Variants in KMT2D observed in about 807,000 individuals in gnomAD.
The protein encoded by KMT2D is histone-lysine N-methyltransferase 2D.
A neutral mutation model predicts 512.7 loss-of-function variants in KMT2D; 55 were observed. The observed-to-expected ratio is 0.11, with a 90% CI of 0.09 to 0.13. The LOEUF (loss-of-function observed/expected upper bound fraction) is 0.13. Ranked by LOEUF, KMT2D falls within the 10% of genes least tolerant of loss-of-function variation. The probability of loss-of-function intolerance (pLI) is 1.00; values close to 1 mark genes in which losing one functional copy is unlikely to be tolerated. For synonymous variants in KMT2D, 2,995 were observed against 2,904.0 expected, an observed-to-expected ratio of 1.03 and a Z score of -1.01; for missense variants, 6,061 against 7,127.9, an observed-to-expected ratio of 0.85 and a Z score of 5.39.
In KMT2D at chr12:49,044,361, C is replaced by T. The variant is rs758533383; in HGVS notation, c.5083+42G>A. 1.7e-5 allele frequency: 27 copies of T among 1,613,476 alleles called. No individual in the cohort carries two copies. Among genetic ancestry groups the T allele is most frequent in the Middle Eastern group, 3.3e-4 (2 of 6,084 alleles). On this transcript the variant is annotated intron_variant, in intron 21 of 54. Transcript: ENST00000301067. This position sits in a 1 kb window ranked among gnomAD's most constrained non-coding sequence, Gnocchi z 6.4. ...CGCTGGGGGACCTATTGAGCTGCCC[C>T]GCACCACCCCACCACCCCACAACCC... is the stretch of plus-strand genomic sequence containing the variant.
At chr12:49,057,779 ACCAAGGATTTTTT>A (rs974035783) in intron 1 of KMT2D, among the ~76,000 whole-genome samples, 4 of 152,088 alleles carry the variant, frequency 2.6e-5, no homozygotes, top group African/African-American at 9.7e-5. Context: ...ACACATACAC[ACCAAGGATTTTTT>A]CCCTGGATCT....
rs1157926963 is a variant in KMT2D, at chr12:49,041,745, G to A, written c.6184-40C>T. ...ACACAGCCTTAGGGCCTAGTGCTTGGTCTCATGCCCCGCCCCCATACTGTA... is the reference window on the plus strand; with the variant it reads ...ACACAGCCTTAGGGCCTAGTGCTTGATCTCATGCCCCGCCCCCATACTGTA... On this transcript the variant is annotated intron_variant, in intron 30 of 54. Transcript: ENST00000301067. This position sits in a 1 kb window ranked among gnomAD's most constrained non-coding sequence, Gnocchi z 5.4. 1.3e-6 allele frequency: 2 copies of A among 1,589,236 alleles called. No individual in the cohort carries two copies. The highest frequency in any genetic ancestry group is 1.8e-5 in the Admixed American group (1 of 56,168).
At position 49,051,730 on chromosome 12, in the gene KMT2D, C is replaced by T. The variant is rs369789129; in HGVS notation, c.1953G>A (p.Ser651=). ...ACACCACAGGCAGGGGGGATAGGCG[C>T]GATACCTCAGGTGGGGGGGACATAG... ...ESPMSPPPEV[S]RLSPLPVVSR... is the part of the protein sequence containing the mutation. Residue 651 remains serine (S), a synonymous_variant, in exon 11 of 55, where the codon TCG becomes TCA. Transcript: ENST00000301067. 59 of 1,565,810 alleles carry T rather than the reference C, an allele frequency of 3.8e-5. No homozygotes were observed. Among genetic ancestry groups the T allele is most frequent in the African/African-American group, 4.6e-5 (3 of 65,038 alleles).
At chr12:49,045,853 T>A (rs994465358) in intron 19 of KMT2D, 67 bp downstream of exon 19, 2 of 1,291,286 alleles carry the variant, frequency 1.5e-6, no homozygotes, top group Admixed American at 3.5e-5. Context: ...AGCTAGGGGG[T>A]TGGAGCTAGA....
rs1432868114 is a variant in KMT2D at position 49,032,564 on chromosome 12, C to T, written c.12141G>A (p.Gly4047=). The change falls in exon 40 of 55, where the codon GGG becomes GGA. Residue 4047 remains glycine, a synonymous_variant. Coordinates refer to ENST00000301067, the MANE Select transcript of KMT2D (RefSeq NM_003482.4). The part of the protein sequence containing the change: ...ATEGPSTHQG[G]PLAIGTTPES... ...CAGGGGTAGTTCCTATTGCTAACGG[C>T]CCTCCCTGATGTGTAGAGGGCCCCT... The T allele has an allele frequency of 1.9e-6, 3 of 1,613,034 alleles. No individual in the cohort carries two copies. Among genetic ancestry groups the T allele is most frequent in the South Asian group, 1.1e-5 (1 of 90,882 alleles).
At position 49,058,742 on chromosome 12, in the gene KMT2D, G is replaced by A. The variant is rs538788520; in HGVS notation, c.-38+871C>T. Among the ~76,000 whole-genome samples the A allele has an allele frequency of 9.2e-5, 14 of 152,234 alleles. No homozygotes were observed. The South Asian group carries it at 2.7e-3, about 29-fold the overall frequency. ...AATCCCTGGTCAAAAAAGGGTTGGA[G>A]AGGTCTGGGAGGGGCTTGCAGGACT... is the stretch of plus-strand genomic sequence containing the variant. On this transcript the variant is annotated intron_variant, in intron 1 of 54. Coordinates refer to ENST00000301067, the MANE Select transcript of KMT2D (RefSeq NM_003482.4).
Position 49,047,980 on chromosome 12 carries a change from G to A in KMT2D, c.4221C>T (p.Tyr1407=), listed in dbSNP as rs2120619860. ...CTGAACTCACCTTGCTGTTGACACA[G>A]TAAGGGTGATAGCACTGAGAGCACT... The part of the protein sequence containing the change: ...CSQCSQCYHP[Y]CVNSKITKVM... Residue 1407 remains tyrosine, a synonymous_variant, in exon 15 of 55, where the codon TAC becomes TAT. Coordinates refer to ENST00000301067, the MANE Select transcript of KMT2D (RefSeq NM_003482.4). The A allele has an allele frequency of 6.2e-7, 1 of 1,613,304 alleles. No homozygotes were observed. Among genetic ancestry groups the A allele is most frequent in the Non-Finnish European group, 8.5e-7 (1 of 1,179,264 alleles).
Position 49,049,148 on chromosome 12 carries a change from C to T in KMT2D, c.3977G>A (p.Arg1326Gln), listed in dbSNP as rs535481040. The part of the protein sequence containing the change: ...GGAHGGRGRG[R>Q]ARLKSTASSI... ...AGAAGCAGTTGACTTTAGCCGGGCCCGTCCTCTACCACGTCCTCCATGGGC... is the reference window on the plus strand; with the variant it reads ...AGAAGCAGTTGACTTTAGCCGGGCCTGTCCTCTACCACGTCCTCCATGGGC... The change falls in exon 13 of 55, where the codon CGG (arginine) becomes CAG (glutamine). Residue 1326 changes from arginine to glutamine, a missense_variant. Physicochemically the swap from Arg to Gln is conservative, Grantham distance 43. Coordinates refer to ENST00000301067, the MANE Select transcript of KMT2D (RefSeq NM_003482.4). 25 of 1,611,986 alleles carry T rather than the reference C, an allele frequency of 1.6e-5. No individual in the cohort carries two copies. The highest frequency in any genetic ancestry group is 8.9e-5 in the East Asian group (4 of 44,836).
Position 49,030,348 on chromosome 12 carries a change from G to C in KMT2D, c.13931C>G (p.Pro4644Arg). ...VQQKMVNGVT[P>R]SEELGEHPKD... ...GGGGTGCTCCCCCAGCTCTTCAGAT[G>C]GGGTGACGCCATTCACCATCTTCTG... Residue 4644 changes from proline (P) to arginine (R), a missense_variant, in exon 43 of 55, where the codon CCA (proline) becomes CGA (arginine). Around this residue, in one of 16 missense-constraint regions of KMT2D, gnomAD observed 1,600 missense variants for 1,754.9 expected, o/e 0.91. Coordinates refer to ENST00000301067, the MANE Select transcript of KMT2D (RefSeq NM_003482.4). 1.9e-6 allele frequency: 3 copies of C among 1,606,408 alleles called. No homozygotes were observed. Among genetic ancestry groups the C allele is most frequent in the Non-Finnish European group, 2.5e-6 (3 of 1,176,784 alleles).
rs1228298581 is a variant in KMT2D, at chr12:49,051,417, G to C, written c.2266C>G (p.Pro756Ala). ...TGCGGAGATAGGTGTGGCTCCTCAGGCCGGGGGGACAGGTGCGGCTCCTCA... is the reference window on the plus strand; with the variant it reads ...TGCGGAGATAGGTGTGGCTCCTCAGCCCGGGGGGACAGGTGCGGCTCCTCA... ...RPEEPHLSPR[P>A]EEPHLSPQAE... Residue 756 changes from proline to alanine, a missense_variant, in exon 11 of 55, where the codon CCT becomes GCT. By Grantham distance (27) the Pro-to-Ala change is conservative. Coordinates refer to ENST00000301067, the MANE Select transcript of KMT2D (RefSeq NM_003482.4). 1.2e-6 allele frequency: 2 copies of C among 1,609,176 alleles called. No homozygotes were observed. The highest frequency in any genetic ancestry group is 1.1e-5 in the South Asian group (1 of 90,968).
chr12:49,024,629 T>C lies in KMT2D; in HGVS notation c.16001A>G (p.Asn5334Ser), dbSNP rs1201302456. The change falls in exon 51 of 55, where the codon AAC (asparagine) becomes AGC (serine). Residue 5334 changes from asparagine to serine, a missense_variant. Coordinates refer to ENST00000301067, the MANE Select transcript of KMT2D (RefSeq NM_003482.4). This position sits in a 1 kb window ranked among gnomAD's most constrained non-coding sequence, Gnocchi z 4.5. ...HPLMELPLMINPTGCARSEPK... is the reference protein window; with the variant it reads ...HPLMELPLMISPTGCARSEPK... The stretch of plus-strand genomic sequence containing the variant: ...CTCTGATCGGGCACAGCCAGTGGGG[T>C]TGATCATGAGTGGCAGCTCCATAAG... 3.1e-6 allele frequency: 5 copies of C among 1,613,660 alleles called. No homozygotes were observed. The highest frequency in any genetic ancestry group is 3.4e-6 in the Non-Finnish European group (4 of 1,179,824).
At chr12:49,058,125 C>A (rs563940324) in intron 1 of KMT2D, among the ~76,000 whole-genome samples, 1 of 152,196 alleles carries the variant, frequency 6.6e-6, no homozygotes, top group Non-Finnish European at 1.5e-5. Context: ...CAAACCACAC[C>A]TCTTCCCACC....
In KMT2D at chr12:49,043,930, T is replaced by G. The variant is rs1172220536; in HGVS notation, c.5257A>C (p.Lys1753Gln). The G allele has an allele frequency of 6.8e-6, 11 of 1,613,958 alleles. No homozygotes were observed. The highest frequency in any genetic ancestry group is 3.3e-5 in the Admixed American group (2 of 60,026). ...QSLAEGDEKK[K>Q]QQRRGRKKSK... ...TTCTTGCGCCCTCGCCGCTGTTGCT[T>G]CTTCTTCTCATCCCCTTCAGCTAAG... Residue 1753 changes from lysine (K) to glutamine (Q), a missense_variant, in exon 23 of 55, where the codon AAG (lysine) becomes CAG (glutamine). Coordinates refer to ENST00000301067, the MANE Select transcript of KMT2D (RefSeq NM_003482.4).
At position 49,046,071 on chromosome 12, in the gene KMT2D, G is replaced by A. The variant is rs1459283705; in HGVS notation, c.4687C>T (p.Pro1563Ser). ...CCCAGCAGCTGGTACTCACCCACAG[G>A]CTTTACCACGTAGGGCTGGCAGGAG... ...CVSCQPYVVK[P>S]VAPVAPPELV... is the part of the protein sequence containing the mutation. The change falls in exon 18 of 55, where the codon CCT (proline) becomes TCT (serine). Residue 1563 changes from proline to serine, a missense_variant. By Grantham distance (74) the Pro-to-Ser change is moderately conservative. Transcript: ENST00000301067. This position sits in a 1 kb window ranked among gnomAD's most constrained non-coding sequence, Gnocchi z 4.2. 6.2e-7 allele frequency: 1 copy of A among 1,611,500 alleles called. No individual in the cohort carries two copies. Among genetic ancestry groups the A allele is most frequent in the African/African-American group, 1.3e-5 (1 of 74,854 alleles).
rs907708051 is a variant in KMT2D at position 49,032,233 on chromosome 12, G to A, written c.12472C>T (p.Pro4158Ser). 1.2e-6 allele frequency: 2 copies of A among 1,613,808 alleles called. No individual in the cohort carries two copies. Among genetic ancestry groups the A allele is most frequent in the Non-Finnish European group, 1.7e-6 (2 of 1,179,776 alleles). The change falls in exon 40 of 55, where the codon CCC becomes TCC. Residue 4158 changes from proline (P) to serine (S), a missense_variant. Transcript: ENST00000301067. ...MTQNLLGPQQ[P>S]MLERPMQNNT... ...TTTTGCATGGGCCGCTCTAGCATGG[G>A]CTGTTGGGGGCCCAGAAGGTTCTGG...
chr12:49,029,714 T>C (rs1173909647), intron 43 of KMT2D, among the ~76,000 whole-genome samples: 4 of 151,498 alleles, frequency 2.6e-5, no homozygotes, highest in Admixed American at 6.6e-5. Context: ...TGGGGTCTTG[T>C]TATATTGCCC....
Position 49,042,374 on chromosome 12 carries a change from G to C in KMT2D, c.5868-44C>G, listed in dbSNP as rs747271174. 8.0e-6 allele frequency: 12 copies of C among 1,492,606 alleles called. No homozygotes were observed. The East Asian group carries it at 2.0e-4, about 24-fold the overall frequency. The allele number at this position is 1,492,606 out of a possible 1,614,324, so 92.5% of individuals were successfully genotyped here. A position where few individuals can be genotyped will look rare whatever the true frequency, so the allele number is the denominator to read the frequency against. The stretch of plus-strand genomic sequence containing the variant: ...GAGTCACAGGGCGCAGGGATGCCAA[G>C]TCCCACCCCAGACAAACTGCCTAGA... On this transcript the variant is annotated intron_variant, in intron 28 of 54. Transcript: ENST00000301067. This position sits in a 1 kb window ranked among gnomAD's most constrained non-coding sequence, Gnocchi z 4.4.
rs779956996 is a variant in KMT2D, at chr12:49,024,706, C to A, written c.15924G>T (p.Leu5308=). ...AGTTTTGACAGCTCTCCACCCCGGG[C>A]AGCTGTGGGCACAGTTCATACTCAC... ...VHAVLRIAES[L]PGVESCQNYL... is the part of the protein sequence containing the mutation. Residue 5308 remains leucine, a splice_region_variant and synonymous_variant, in exon 51 of 55, where the codon CTG becomes CTT. Coordinates refer to ENST00000301067, the MANE Select transcript of KMT2D (RefSeq NM_003482.4). This position sits in a 1 kb window ranked among gnomAD's most constrained non-coding sequence, Gnocchi z 4.5. 5 of 1,613,376 alleles carry A rather than the reference C, an allele frequency of 3.1e-6. No homozygotes were observed. Among genetic ancestry groups the A allele is most frequent in the South Asian group, 2.2e-5 (2 of 90,946 alleles).
intron 2 of KMT2D, 124 bp from the exon 3 acceptor site, chr12:49,055,150 C>G: frequency 1.3e-6 from 2 of 1,550,540 alleles, no homozygotes; most frequent in Non-Finnish European, 8.9e-7. Flanking sequence ...CAACTGTTGT[C>G]CCAAAGAACA....
Sources: allele counts gnomAD v4.1 joint callset (sites outside exome capture counted in the v4.1 genomes callset), GRCh38; gene constraint gnomAD v4.1.1; regional missense constraint gnomAD v4.1.1; non-coding constraint Gnocchi (gnomAD v3.1); transcripts MANE v1.5; gene names NCBI Gene and HGNC (gene_info 2026-07-23, HGNC 2026-07-21).